The following MAGI2 variants were observed in gnomAD, a reference collection of about 807,000 sequenced individuals.
MAGI2 encodes membrane-associated guanylate kinase, WW and PDZ domain-containing protein 2.
In MAGI2, 35 loss-of-function variants were observed where a neutral mutation model predicts 133.3. The observed-to-expected ratio is 0.26, with a 90% CI of 0.20 to 0.35. The LOEUF is 0.35. Among genes scored for constraint, MAGI2 ranks in the 10% least tolerant of loss-of-function variants. The pLI, the probability that MAGI2 is intolerant of heterozygous loss-of-function variation, is 1.00. For synonymous variants in MAGI2, 729 were observed against 710.6 expected (o/e 1.03, Z -0.41); for missense variants, 1,636 against 1,863.4 (o/e 0.88, Z 2.25).
chr7:78,786,056 A>G (rs917509047), intron 2 of MAGI2, among the ~76,000 whole-genome samples: 1 of 152,100 alleles, frequency 6.6e-6, no homozygotes, highest in Non-Finnish European at 1.5e-5. Context: ...TAGAGGTGGT[A>G]ATCAACCAGG....
chr7:78,246,166 C>T, intron 10 of MAGI2, among the ~76,000 whole-genome samples: 1 of 152,168 alleles, frequency 6.6e-6, no homozygotes, highest in East Asian at 1.9e-4. Context: ...GCTTCATCTA[C>T]ACCTCCCAGT....
intron 1 of MAGI2, among the ~76,000 whole-genome samples, chr7:79,025,266 C>G (rs1809763730): frequency 6.6e-6 from 1 of 152,154 alleles, no homozygotes; most frequent in South Asian, 2.1e-4. Context: ...AAACCAAATA[C>G]TGCATTTTCT....
intron 9 of MAGI2, among the ~76,000 whole-genome samples, chr7:78,268,892 C>G (rs1274577666): frequency 6.6e-6 from 1 of 152,084 alleles, no homozygotes; most frequent in African/African-American, 2.4e-5. Context: ...CCCTTCAACC[C>G]ATCATCTACA....
At chr7:78,707,955 T>G (rs1299791410) in intron 2 of MAGI2, among the ~76,000 whole-genome samples, 1 of 152,052 alleles carries the variant, frequency 6.6e-6, no homozygotes, top group African/African-American at 2.4e-5. Flanking sequence ...TCTCTTAAAA[T>G]CATAACAGAT....
intron 9 of MAGI2, among the ~76,000 whole-genome samples, chr7:78,299,186 C>T (rs181349597): frequency 1.2e-3 from 183 of 152,236 alleles, no homozygotes; most frequent in African/African-American, 4.2e-3. Flanking sequence ...AGTAAAATAA[C>T]GTATGGCAAA....
intron 9 of MAGI2, among the ~76,000 whole-genome samples, chr7:78,292,161 C>G (rs1410547988): frequency 6.6e-6 from 1 of 152,062 alleles, no homozygotes; most frequent in East Asian, 1.9e-4. Flanking sequence ...TTGCAGATGA[C>G]ATGATTGTAT....
chr7:78,065,000 T>C (rs1172221745), intron 21 of MAGI2, among the ~76,000 whole-genome samples: 1 of 152,042 alleles, frequency 6.6e-6, no homozygotes, highest in Non-Finnish European at 1.5e-5. Flanking sequence ...ATAGTCACAA[T>C]TGGGCCCTTA....
At chr7:79,100,821 T>C (rs548533781) in intron 1 of MAGI2, among the ~76,000 whole-genome samples, 1 of 151,950 alleles carries the variant, frequency 6.6e-6, no homozygotes, top group Non-Finnish European at 1.5e-5. Context: ...CCAAAATATT[T>C]TAATCCATTA....
intron 1 of MAGI2, among the ~76,000 whole-genome samples, chr7:79,228,369 A>G (rs1457754009): frequency 6.7e-6 from 1 of 148,416 alleles, no homozygotes; most frequent in East Asian, 2.0e-4. Context: ...AAAAAAAAAA[A>G]AGATCGTGGG....
intron 3 of MAGI2, among the ~76,000 whole-genome samples, chr7:78,552,931 C>CG (rs1799478416): frequency 1.3e-5 from 2 of 151,972 alleles, no homozygotes; most frequent in African/African-American, 4.8e-5. Context: ...AAATTGCCCC[C>CG]CCAAGGTCAG....
intron 2 of MAGI2, among the ~76,000 whole-genome samples, chr7:78,910,140 T>G (rs935330168): frequency 6.7e-6 from 1 of 149,980 alleles, no homozygotes; most frequent in Non-Finnish European, 1.5e-5. Flanking sequence ...TGTTGTGGGG[T>G]GGGTGGCGAG....
intron 2 of MAGI2, among the ~76,000 whole-genome samples, chr7:79,002,910 G>GTT (rs772869062): frequency 1.9e-4 from 24 of 129,286 alleles, no homozygotes; most frequent in Non-Finnish European, 3.3e-5. Flanking sequence ...TTGTTTGCTT[G>GTT]TTTTTTTTTT....
chr7:79,344,550 C>A (rs563813355), intron 1 of MAGI2, among the ~76,000 whole-genome samples: 1 of 152,092 alleles, frequency 6.6e-6, no homozygotes, highest in East Asian at 1.9e-4. Flanking sequence ...TTTCTTATGC[C>A]AGCAAAAATA....
At chr7:78,887,905 C>A (rs558953968) in intron 2 of MAGI2, among the ~76,000 whole-genome samples, 1 of 152,088 alleles carries the variant, frequency 6.6e-6, no homozygotes, top group African/African-American at 2.4e-5. Flanking sequence ...TGCAGCGCAC[C>A]GAGCATGAGC....
chr7:78,787,789 C>A (rs1209720), intron 2 of MAGI2, among the ~76,000 whole-genome samples: 1 of 151,848 alleles, frequency 6.6e-6, no homozygotes, highest in African/African-American at 2.4e-5. Flanking sequence ...GAAAGAATGG[C>A]GGAGTTTTAA....
At chr7:78,611,497 C>G (rs950553359) in intron 3 of MAGI2, among the ~76,000 whole-genome samples, 2 of 152,206 alleles carry the variant, frequency 1.3e-5, no homozygotes, top group Non-Finnish European at 2.9e-5. Flanking sequence ...ACATTCCCTA[C>G]CAAAGCCTTG....
At chr7:78,403,646 T>A (rs1797109038) in intron 6 of MAGI2, among the ~76,000 whole-genome samples, 1 of 152,090 alleles carries the variant, frequency 6.6e-6, no homozygotes, top group Non-Finnish European at 1.5e-5. Flanking sequence ...TTTCTCCACA[T>A]CCTCTGCAGC....
At position 78,938,039 on chromosome 7, in the gene MAGI2, A is replaced by G. The variant is rs1158236476; in HGVS notation, c.418+69051T>C. Among the ~76,000 whole-genome samples the G allele has an allele frequency of 2.1e-5, 3 of 142,310 alleles. No homozygotes were observed. The East Asian group carries it at 5.8e-4, about 27-fold the overall frequency. 93.4% of individuals were successfully genotyped at this position (142,310 alleles called of 152,430 possible). ...CATCAATATAAATTCTAGACAGTTT[A>G]AATATTGTATGGCAAAATATAAGTG... On this transcript the variant is annotated intron_variant, in intron 2 of 21. Transcript: ENST00000354212.
At chr7:79,418,264 A>G (rs1459414268) in intron 1 of MAGI2, among the ~76,000 whole-genome samples, 1 of 152,148 alleles carries the variant, frequency 6.6e-6, no homozygotes, top group Non-Finnish European at 1.5e-5. Flanking sequence ...AAGGGAAATT[A>G]CAGATGATGA....
Sources: gnomAD v4.1 joint callset for allele counts (sites outside exome capture counted in the v4.1 genomes callset) on GRCh38, gnomAD v4.1.1 for gene constraint, MANE v1.5 for transcripts, NCBI Gene and HGNC (gene_info 2026-07-23, HGNC 2026-07-21) for gene names.